The following ADAM32 variants were observed in gnomAD, a reference collection of about 807,000 sequenced individuals.
ADAM32 encodes the protein disintegrin and metalloproteinase domain-containing protein 32.
ADAM32 carries 89 observed loss-of-function variants against 114.9 expected under a neutral mutation model. That is an observed-to-expected ratio of 0.77 (90% CI 0.65 to 0.92). The LOEUF is 0.92. Ranked by LOEUF, ADAM32 falls within the 40% of genes least tolerant of loss-of-function variation. The pLI is 0.00. For synonymous variants in ADAM32, 285 were observed against 307.5 expected (o/e 0.93, Z 0.77); for missense variants, 870 against 932.8 (o/e 0.93, Z 0.88).
intron 10 of ADAM32, among the ~76,000 whole-genome samples, chr8:39,184,250 C>T (rs1428086933): frequency 6.6e-6 from 1 of 152,200 alleles, no homozygotes; most frequent in Non-Finnish European, 1.5e-5. Flanking sequence ...GTATGCAATT[C>T]CCCAAGGGAT....
intron 12 of ADAM32, among the ~76,000 whole-genome samples, chr8:39,219,821 C>T (rs1425280159): frequency 2.0e-5 from 3 of 152,078 alleles, no homozygotes; most frequent in Non-Finnish European, 4.4e-5. Context: ...GGTATAATTT[C>T]AATTTTTAAA....
intron 16 of ADAM32, among the ~76,000 whole-genome samples, chr8:39,234,707 A>C (rs538415002): frequency 6.6e-6 from 1 of 152,362 alleles, no homozygotes; most frequent in African/African-American, 2.4e-5. Context: ...GTCATCTTTG[A>C]AACCAACCCA....
intron 3 of ADAM32, 40 bp downstream of exon 3, chr8:39,136,758 C>T: frequency 7.6e-7 from 1 of 1,310,338 alleles, no homozygotes; most frequent in Non-Finnish European, 1.0e-6. Context: ...TATTTTATTT[C>T]TATGAAGCTG....
At chr8:39,149,988 T>C (rs1050614505) in intron 5 of ADAM32, 121 bp downstream of exon 5, 2 of 616,564 alleles carry the variant, frequency 3.2e-6, no homozygotes, top group Non-Finnish European at 5.3e-6. Flanking sequence ...TATTTAATGA[T>C]ATCCCCCTCT....
chr8:39,272,935 A>AT (rs935183656), intron 20 of ADAM32, among the ~76,000 whole-genome samples: 27 of 151,664 alleles, frequency 1.8e-4, no homozygotes, highest in Admixed American at 2.6e-4. Context: ...TTTTGTCTTA[A>AT]TTTTTTTTTC....
intron 2 of ADAM32, among the ~76,000 whole-genome samples, chr8:39,132,201 G>A (rs903765419): frequency 2.0e-5 from 3 of 152,152 alleles, no homozygotes; most frequent in African/African-American, 7.2e-5. Context: ...CCCAATCGGA[G>A]GTTATTTTTG....
At chr8:39,187,824 A>G (rs1806348226) in intron 11 of ADAM32, among the ~76,000 whole-genome samples, 1 of 152,030 alleles carries the variant, frequency 6.6e-6, no homozygotes, top group African/African-American at 2.4e-5. Flanking sequence ...CTTTTATTTC[A>G]CAGGGTGATG....
chr8:39,274,358 G>A lies in ADAM32; in HGVS notation c.2240+8G>A. The A allele has an allele frequency of 6.2e-7, 1 of 1,610,328 alleles. No individual in the cohort carries two copies. Among genetic ancestry groups the A allele is most frequent in the Non-Finnish European group, 8.5e-7 (1 of 1,178,068 alleles). On this transcript the variant is annotated splice_region_variant and intron_variant, in intron 21 of 24. Coordinates refer to ENST00000379907, the MANE Select transcript of ADAM32 (RefSeq NM_145004.7). ...TCAGACATATGCCAGCCAGTAAGTAGGTTAGAAGAGGTTTTTAAGATACAT... is the reference window on the plus strand; with the variant it reads ...TCAGACATATGCCAGCCAGTAAGTAAGTTAGAAGAGGTTTTTAAGATACAT...
chr8:39,264,841 T>C (rs1253278642), intron 19 of ADAM32, among the ~76,000 whole-genome samples: 5 of 152,324 alleles, frequency 3.3e-5, no homozygotes, highest in Non-Finnish European at 7.4e-5. Flanking sequence ...GTTTAATTTC[T>C]ACGTGATTGT....
chr8:39,161,415 T>G (rs2129446031), intron 7 of ADAM32, among the ~76,000 whole-genome samples: 1 of 152,282 alleles, frequency 6.6e-6, no homozygotes. Flanking sequence ...TTTTAGCAGT[T>G]TTTGGTGGGG....
At chr8:39,197,948 C>A (rs926560676) in intron 11 of ADAM32, among the ~76,000 whole-genome samples, 3 of 152,170 alleles carry the variant, frequency 2.0e-5, no homozygotes, top group South Asian at 2.1e-4. Context: ...GTATTGGGGT[C>A]TATTTCTCTG....
intron 10 of ADAM32, among the ~76,000 whole-genome samples, chr8:39,184,815 T>G (rs1806116578): frequency 6.6e-6 from 1 of 152,238 alleles, no homozygotes; most frequent in East Asian, 1.9e-4. Context: ...GATGCTCATA[T>G]ATTTTATTTT....
intron 2 of ADAM32, among the ~76,000 whole-genome samples, chr8:39,123,855 C>T (rs1038038756): frequency 6.6e-6 from 1 of 151,722 alleles, no homozygotes; most frequent in African/African-American, 2.4e-5. Context: ...TACAGGCACA[C>T]GCCATGACAC....
rs1391573202 is a variant in ADAM32, at chr8:39,218,986, C to A, written c.1234-2624C>A. 1.3e-5 allele frequency among the ~76,000 whole-genome samples: 2 copies of A among 152,056 alleles called. 1 individual carries two copies. The highest frequency in any genetic ancestry group is 6.3e-3 in the Middle Eastern group (2 of 316). ...CTGTTTAGTGAGTAGGTGATTGATC[C>A]TTCCCGGATGGGGTCCTTCCATTCA... On this transcript the variant is annotated intron_variant, in intron 12 of 24. Transcript: ENST00000379907.
At chr8:39,150,583 G>A (rs1449003995) in intron 5 of ADAM32, among the ~76,000 whole-genome samples, 1 of 151,996 alleles carries the variant, frequency 6.6e-6, no homozygotes, top group African/African-American at 2.4e-5. Context: ...CCTCCTTACG[G>A]CTTAGGGAGT....
At chr8:39,189,624 A>G (rs1016305132) in intron 11 of ADAM32, among the ~76,000 whole-genome samples, 1 of 151,620 alleles carries the variant, frequency 6.6e-6, no homozygotes, top group African/African-American at 2.4e-5. Context: ...AAAACATCAA[A>G]TCTCCTCTTC....
chr8:39,171,510 AT>A (rs1214753538), intron 10 of ADAM32, among the ~76,000 whole-genome samples: 3 of 152,004 alleles, frequency 2.0e-5, no homozygotes, highest in African/African-American at 7.2e-5. Flanking sequence ...TGCAGCACCT[AT>A]TTTTATTTCT....
intron 11 of ADAM32, among the ~76,000 whole-genome samples, chr8:39,193,205 C>A (rs1207605550): frequency 1.3e-5 from 2 of 152,076 alleles, no homozygotes; most frequent in Non-Finnish European, 2.9e-5. Flanking sequence ...CCTTTATATT[C>A]TTTTTTCTTT....
At chr8:39,175,426 T>G (rs1417940045) in intron 10 of ADAM32, among the ~76,000 whole-genome samples, 2 of 152,172 alleles carry the variant, frequency 1.3e-5, no homozygotes, top group Non-Finnish European at 2.9e-5. Flanking sequence ...CTGCATCTAT[T>G]GAGATAATCA....
Sources: allele counts gnomAD v4.1 joint callset (sites outside exome capture counted in the v4.1 genomes callset), GRCh38; gene constraint gnomAD v4.1.1; transcripts MANE v1.5; gene names NCBI Gene and HGNC (gene_info 2026-07-23, HGNC 2026-07-21).